TASOR: variants seen among roughly 807,000 people sequenced by gnomAD.
The protein encoded by TASOR is protein TASOR.
TASOR carries 53 observed loss-of-function variants against 178.6 expected under a neutral mutation model. That is an observed-to-expected ratio of 0.30 (90% CI 0.24 to 0.37). TASOR has a LOEUF of 0.37. TASOR is among the 10% of genes least tolerant of loss of function. The pLI is 1.00. For missense variants in TASOR, 1,815 were observed against 1,971.4 expected (o/e 0.92, Z 1.50); for synonymous variants, 713 against 696.2 (o/e 1.02, Z -0.38).
At chr3:56,672,365 T>C (rs1379013430) in intron 2 of TASOR, among the ~76,000 whole-genome samples, 5 of 152,216 alleles carry the variant, frequency 3.3e-5, no homozygotes, top group Non-Finnish European at 7.4e-5. Flanking sequence ...TGAAACCACA[T>C]CAATTCAAAC....
chr3:56,657,460 T>C (rs1325143103), intron 11 of TASOR, among the ~76,000 whole-genome samples: 12 of 152,284 alleles, frequency 7.9e-5, no homozygotes, highest in African/African-American at 2.9e-4. Flanking sequence ...ATGTATATGA[T>C]ATAAAGATAA....
chr3:56,625,904 A>G (rs9858568), intron 21 of TASOR, among the ~76,000 whole-genome samples: 93,850 of 151,958 alleles, frequency 0.62, 31,585 homozygotes, highest in East Asian at 0.96. Context: ...TTACAGGCGT[A>G]AGCCACCGTG....
chr3:56,621,816 A>T lies in TASOR; in HGVS notation c.*1221T>A. On this transcript the variant is annotated 3_prime_UTR_variant, in exon 24 of 24. Transcript: ENST00000683822. ...GATACTTCTTTTGTAAAAGCTTAGT[A>T]GTAAAAAAAAAAAAAAAAAAACCGG... The T allele has an allele frequency of 1.7e-5, 3 of 175,612 alleles. No homozygotes were observed. Among genetic ancestry groups the T allele is most frequent in the East Asian group, 1.3e-4 (1 of 7,502 alleles). The allele number at this position is 175,612 out of a possible 1,614,324, so 10.9% of individuals were successfully genotyped here. A position where few individuals can be genotyped will look rare whatever the true frequency, so the allele number is the denominator to read the frequency against.
At chr3:56,624,714 C>A in intron 22 of TASOR, 71 bp from the exon 23 acceptor site, 1 of 1,548,082 alleles carries the variant, frequency 6.5e-7, no homozygotes, top group Non-Finnish European at 8.8e-7. Context: ...CTCACAAAAT[C>A]TTTTCCTTCA....
At position 56,641,432 on chromosome 3, in the gene TASOR, G is replaced by A. The variant is rs779203228; in HGVS notation, c.2536C>T (p.Leu846=). The A allele has an allele frequency of 3.7e-6, 6 of 1,606,844 alleles. No individual in the cohort carries two copies. The highest frequency in any genetic ancestry group is 5.1e-6 in the Non-Finnish European group (6 of 1,173,674). The change falls in exon 15 of 24, where the codon CTA becomes TTA. Residue 846 remains leucine, a synonymous_variant. Transcript: ENST00000683822. ...TACTTAGATGTTGCATCAACTTCTA[G>A]TAATAAGCTCTGAGTACCCTTAAAC... The part of the protein sequence containing the change: ...AQFKGTQSLL[L]EVDATSKYSV...
At chr3:56,642,773 G>C (rs2077152398) in intron 14 of TASOR, among the ~76,000 whole-genome samples, 1 of 152,188 alleles carries the variant, frequency 6.6e-6, no homozygotes, top group South Asian at 2.1e-4. Context: ...AGGAGATCGA[G>C]ACCATCCTGG....
intron 1 of TASOR, among the ~76,000 whole-genome samples, chr3:56,681,928 T>G (rs1225906724): frequency 1.3e-5 from 2 of 152,188 alleles, no homozygotes; most frequent in African/African-American, 4.8e-5. Context: ...GAAGACCAAG[T>G]TGGTGACTCT....
Position 56,633,381 on chromosome 3 carries a change from A to G in TASOR, c.3410T>C (p.Leu1137Pro), listed in dbSNP as rs1221048794. The change falls in exon 18 of 24, where the codon CTG becomes CCG. Residue 1137 changes from leucine to proline, a missense_variant. Physicochemically the swap from Leu to Pro is moderately conservative, Grantham distance 98 (BLOSUM62 -3). This residue lies in a region of TASOR where 655 missense variants were observed against 671.1 expected (regional missense o/e 0.98). Coordinates refer to ENST00000683822, the MANE Select transcript of TASOR (RefSeq NM_001365635.2). The part of the protein sequence containing the change: ...DFNNKHLLEP[L>P]CSDPLKDTNS... Reference sequence around the variant, plus strand: ...GGTATCTTTCAAAGGATCACTACACAGTGGCTCAAGGAGATGTTTATTGTT... The same window carrying G: ...GGTATCTTTCAAAGGATCACTACACGGTGGCTCAAGGAGATGTTTATTGTT... 1 of 1,614,090 alleles carries G rather than the reference A, an allele frequency of 6.2e-7. No homozygotes were observed. Among genetic ancestry groups the G allele is most frequent in the East Asian group, 2.2e-5 (1 of 44,892 alleles).
rs1391492710 is a variant in TASOR, at chr3:56,633,546, T to C, written c.3245A>G (p.His1082Arg). 4 of 1,614,182 alleles carry C rather than the reference T, an allele frequency of 2.5e-6. No homozygotes were observed. In the Admixed American group the frequency reaches 6.7e-5, roughly 27 times the overall value. Residue 1082 changes from histidine (H) to arginine (R), a missense_variant, in exon 18 of 24, where the codon CAT (histidine) becomes CGT (arginine). His to Arg is a conservative substitution (Grantham distance 29). This residue lies in a region of TASOR where 655 missense variants were observed against 671.1 expected (regional missense o/e 0.98). Transcript: ENST00000683822. ...AATAATAATAGTATTTAGCTTCTCATGCAAACCATCTACAAACTCCTGCAC... is the reference window on the plus strand; with the variant it reads ...AATAATAATAGTATTTAGCTTCTCACGCAAACCATCTACAAACTCCTGCAC... ...AGVQEFVDGL[H>R]EKLNTIIIKA...
rs566751851 is a variant in TASOR, at chr3:56,657,328, A to G, written c.1368+3403T>C. 2.7e-3 allele frequency among the ~76,000 whole-genome samples: 333 copies of G among 125,152 alleles called. 1 individual carries two copies. The highest frequency in any genetic ancestry group is 4.1e-3 in the Middle Eastern group (1 of 242). 82.1% of individuals were successfully genotyped at this position (125,152 alleles called of 152,430 possible). On this transcript the variant is annotated intron_variant, in intron 11 of 23. Coordinates refer to ENST00000683822, the MANE Select transcript of TASOR (RefSeq NM_001365635.2). ...AGCAACAGAGCAAGGCTCTGTCTCG[A>G]AAAAAAAAAAAAAAAAAGTCAATAT...
intron 17 of TASOR, among the ~76,000 whole-genome samples, chr3:56,637,649 A>G (rs991153839): frequency 6.6e-6 from 1 of 152,044 alleles, no homozygotes; most frequent in African/African-American, 2.4e-5. Context: ...GGAAACTAGT[A>G]ACTTTAATTA....
Position 56,620,946 on chromosome 3 carries a change from A to C in TASOR, c.*2091T>G, listed in dbSNP as rs2076422758. On this transcript the variant is annotated 3_prime_UTR_variant, in exon 24 of 24. Coordinates refer to ENST00000683822, the MANE Select transcript of TASOR (RefSeq NM_001365635.2). ...GGCAGGCAGATCATGAGGTCAGGAGATCAAGACCATCCTGGCTAACACAGT... is the reference window on the plus strand; with the variant it reads ...GGCAGGCAGATCATGAGGTCAGGAGCTCAAGACCATCCTGGCTAACACAGT... 6.6e-6 allele frequency: 1 copy of C among 152,314 alleles called. No homozygotes were observed. Among genetic ancestry groups the C allele is most frequent in the Non-Finnish European group, 1.5e-5 (1 of 68,182 alleles). 9.4% of individuals were successfully genotyped at this position (152,314 alleles called of 1,614,324 possible). A position where few individuals can be genotyped will look rare whatever the true frequency, so the allele number is the denominator to read the frequency against.
chr3:56,676,764 A>T (rs2031336245), intron 1 of TASOR, among the ~76,000 whole-genome samples: 1 of 152,208 alleles, frequency 6.6e-6, no homozygotes, highest in Non-Finnish European at 1.5e-5. Context: ...TCAAATCATG[A>T]ATCTGCATAA....
chr3:56,657,291 G>T (rs1329689296), intron 11 of TASOR, among the ~76,000 whole-genome samples: 13 of 147,036 alleles, frequency 8.8e-5, no homozygotes, highest in Non-Finnish European at 1.5e-5. Context: ...TCACGCCACT[G>T]CACTCCAGCC....
At chr3:56,654,035 G>A (rs958653286) in intron 11 of TASOR, among the ~76,000 whole-genome samples, 1 of 152,190 alleles carries the variant, frequency 6.6e-6, no homozygotes, top group Non-Finnish European at 1.5e-5. Flanking sequence ...GGGAGGCCGA[G>A]GCAGGCAGAT....
Position 56,633,868 on chromosome 3 carries a change from G to A in TASOR, c.2923C>T (p.Gln975Ter), listed in dbSNP as rs200904014. The A allele has an allele frequency of 6.2e-7, 1 of 1,610,556 alleles. No homozygotes were observed. The highest frequency in any genetic ancestry group is 8.5e-7 in the Non-Finnish European group (1 of 1,178,268). ...VINRQRSSDYQFPSSPFTDTL... is the reference protein window; with the variant it reads ...VINRQRSSDY ...TCTGTAAATGGAGAGGATGGAAACT[G>A]GTAATCAGAACTTCTCTGTCTATTT... is the stretch of plus-strand genomic sequence containing the variant. The change falls in exon 18 of 24, where the codon CAG (glutamine) becomes TAG (stop). Residue 975 changes from glutamine to a stop codon, truncating the protein, a stop_gained. Transcript: ENST00000683822. LOFTEE classifies it high-confidence loss of function.
Position 56,633,936 on chromosome 3 carries a change from C to G in TASOR, c.2855G>C (p.Cys952Ser), listed in dbSNP as rs745797665. The G allele has an allele frequency of 6.4e-7, 1 of 1,553,566 alleles. No individual in the cohort carries two copies. The highest frequency in any genetic ancestry group is 2.4e-5 in the East Asian group (1 of 41,250). ...GMKSPEEQLV[C>S]VPPQEAFPND... ...AGGAAAGGCCTCCTGTGGTGGCACACACACCAGTTGTTCTTCTGGTGATTT... is the reference window on the plus strand; with the variant it reads ...AGGAAAGGCCTCCTGTGGTGGCACAGACACCAGTTGTTCTTCTGGTGATTT... Residue 952 changes from cysteine (C) to serine (S), a missense_variant, in exon 18 of 24, where the codon TGT becomes TCT. Physicochemically the swap from Cys to Ser is moderately radical, Grantham distance 112. This residue lies in a region of TASOR where 655 missense variants were observed against 671.1 expected (regional missense o/e 0.98). Coordinates refer to ENST00000683822, the MANE Select transcript of TASOR (RefSeq NM_001365635.2).
chr3:56,646,539 T>C lies in TASOR; in HGVS notation c.2198A>G (p.Asn733Ser). The C allele has an allele frequency of 1.2e-6, 2 of 1,603,820 alleles. No homozygotes were observed. Among genetic ancestry groups the C allele is most frequent in the Non-Finnish European group, 1.7e-6 (2 of 1,177,058 alleles). Residue 733 changes from asparagine (N) to serine (S), a missense_variant, in exon 14 of 24, where the codon AAT becomes AGT. Physicochemically the swap from Asn to Ser is conservative, Grantham distance 46. This residue lies in a region of TASOR where 655 missense variants were observed against 671.1 expected (regional missense o/e 0.98). Coordinates refer to ENST00000683822, the MANE Select transcript of TASOR (RefSeq NM_001365635.2). Reference sequence around the variant, plus strand: ...TATTTTACCTTCATACAGATGGCAATTTTCAGATAAATTACTGGTTTTGGC... The same window carrying C: ...TATTTTACCTTCATACAGATGGCAACTTTCAGATAAATTACTGGTTTTGGC... ...KLAKTSNLSE[N>S]CHLYEESPQP...
chr3:56,672,213 C>T (rs1258551137), intron 2 of TASOR, among the ~76,000 whole-genome samples: 1 of 152,184 alleles, frequency 6.6e-6, no homozygotes, highest in Non-Finnish European at 1.5e-5. Context: ...AAACCACTGG[C>T]TTTCCTATCT....
Sources: gnomAD v4.1 joint callset for allele counts (sites outside exome capture counted in the v4.1 genomes callset) on GRCh38, gnomAD v4.1.1 for gene constraint, gnomAD v4.1.1 regional missense constraint, MANE v1.5 for transcripts, NCBI Gene and HGNC (gene_info 2026-07-23, HGNC 2026-07-21) for gene names.